Variants in FRYL observed in about 807,000 individuals in gnomAD.
The protein encoded by FRYL is protein furry homolog-like.
FRYL carries 150 observed loss-of-function variants against 351.2 expected under a neutral mutation model. That is an observed-to-expected ratio of 0.43 (90% CI 0.37 to 0.49). The LOEUF is 0.49. Among genes scored for constraint, FRYL ranks in the 20% least tolerant of loss-of-function variants. FRYL has a pLI of 0.00. For synonymous variants in FRYL, 1,153 were observed against 1,257.1 expected, an observed-to-expected ratio of 0.92 and a Z score of 1.75; for missense variants, 3,036 against 3,619.3, an observed-to-expected ratio of 0.84 and a Z score of 4.13.
At chr4:48,584,587 T>C (rs1263128072) in intron 19 of FRYL, among the ~76,000 whole-genome samples, 2 of 152,198 alleles carry the variant, frequency 1.3e-5, no homozygotes, top group African/African-American at 4.8e-5. Context: ...CAGTCCTCAA[T>C]GATGTTGACT....
At chr4:48,704,036 G>A (rs1335476746) in intron 2 of FRYL, among the ~76,000 whole-genome samples, 3 of 152,114 alleles carry the variant, frequency 2.0e-5, no homozygotes, top group Non-Finnish European at 2.9e-5. Context: ...TAGGTCTGAC[G>A]TGTACAAGTG....
rs114947483 is a variant in FRYL, at chr4:48,671,083, G to A, written c.-81+13590C>T. On this transcript the variant is annotated intron_variant, in intron 3 of 63. Coordinates refer to ENST00000358350, the MANE Select transcript of FRYL (RefSeq NM_015030.2). Reference sequence around the variant, plus strand: ...TCCCATCAATAGTGTACAAGGGTTCGCTTTTCTCCACATCCTCACCAGCGT... The same window carrying A: ...TCCCATCAATAGTGTACAAGGGTTCACTTTTCTCCACATCCTCACCAGCGT... Among the ~76,000 whole-genome samples the A allele has an allele frequency of 5.7e-3, 866 of 152,146 alleles. 8 individuals carry two copies. Among genetic ancestry groups the A allele is most frequent in the African/African-American group, 0.02 (812 of 41,506 alleles).
intron 1 of FRYL, among the ~76,000 whole-genome samples, chr4:48,763,508 A>C (rs996720918): frequency 6.6e-6 from 1 of 152,196 alleles, no homozygotes; most frequent in Admixed American, 6.5e-5. Context: ...CTATGTTCCT[A>C]ATACTTAATC....
intron 23 of FRYL, among the ~76,000 whole-genome samples, chr4:48,577,321 G>A (rs775595009): frequency 2.0e-4 from 31 of 152,240 alleles, no homozygotes; most frequent in Admixed American, 8.5e-4. Flanking sequence ...AGAGCAAAAC[G>A]AAAGAGGAAA....
chr4:48,606,528 T>C lies in FRYL; in HGVS notation c.651A>G (p.Gln217=), dbSNP rs1374355786. Residue 217 remains glutamine (Q), a synonymous_variant, in exon 10 of 64, where the codon CAA becomes CAG. Coordinates refer to ENST00000358350, the MANE Select transcript of FRYL (RefSeq NM_015030.2). Reference sequence around the variant, plus strand: ...TTCCCATTATTAAGCTGATGACACTTTGTACCACATGTGGGCTTTGTTCCT... The same window carrying C: ...TTCCCATTATTAAGCTGATGACACTCTGTACCACATGTGGGCTTTGTTCCT... ...RQKEQSPHVV[Q]SVISLIMGMK... 6.2e-7 allele frequency: 1 copy of C among 1,613,424 alleles called. No homozygotes were observed. The highest frequency in any genetic ancestry group is 1.7e-5 in the Admixed American group (1 of 60,022).
intron 59 of FRYL, 69 bp from the exon 60 acceptor site, chr4:48,505,684 C>CAACACCA: frequency 2.2e-6 from 2 of 909,384 alleles, no homozygotes; most frequent in East Asian, 4.8e-5. Context: ...TGTCCATATA[C>CAACACCA]AACACCAAAC....
intron 1 of FRYL, among the ~76,000 whole-genome samples, chr4:48,776,919 T>C (rs1517675): frequency 0.027 from 4,083 of 152,346 alleles, 69 homozygotes; most frequent in Admixed American, 0.046. Context: ...ATGAATCCTG[T>C]GTCACTGTTA....
At chr4:48,694,174 A>G (rs1765919592) in intron 2 of FRYL, among the ~76,000 whole-genome samples, 1 of 152,174 alleles carries the variant, frequency 6.6e-6, no homozygotes, top group Admixed American at 6.5e-5. Context: ...GATGAAGAAC[A>G]ATGGCTGCTC....
At chr4:48,515,650 G>T (rs1196841917) in intron 55 of FRYL, among the ~76,000 whole-genome samples, 1 of 152,122 alleles carries the variant, frequency 6.6e-6, no homozygotes, top group African/African-American at 2.4e-5. Context: ...GGGATTACAG[G>T]TGTGAGACAC....
Position 48,535,783 on chromosome 4 carries a change from G to A in FRYL, c.6438C>T (p.His2146=), listed in dbSNP as rs1210758499. 1 of 1,574,730 alleles carries A rather than the reference G, an allele frequency of 6.4e-7. No individual in the cohort carries two copies. Among genetic ancestry groups the A allele is most frequent in the African/African-American group, 1.4e-5 (1 of 73,830 alleles). ...TGTGTGTACTGTACAAACTCATCAT[G>A]TGTGCCAGATTGACAAGTGTTGGGC... ...EKCPTLVNLA[H]MMSLYSTHTY... The change falls in exon 48 of 64, where the codon CAC becomes CAT. Residue 2146 remains histidine, a synonymous_variant. Coordinates refer to ENST00000358350, the MANE Select transcript of FRYL (RefSeq NM_015030.2).
At chr4:48,763,210 C>G (rs575915640) in intron 1 of FRYL, among the ~76,000 whole-genome samples, 39 of 151,270 alleles carry the variant, frequency 2.6e-4, no homozygotes, top group Non-Finnish European at 4.0e-4. Context: ...CCTCTAATTC[C>G]AAGCACTTTG....
chr4:48,541,423 TTA>T (rs1730134870), intron 45 of FRYL, among the ~76,000 whole-genome samples: 1 of 152,200 alleles, frequency 6.6e-6, no homozygotes, highest in Non-Finnish European at 1.5e-5. Context: ...TGAATGCTTT[TTA>T]TGTTTGCCAG....
In FRYL at chr4:48,540,563, G is replaced by A. The variant is rs116475416; in HGVS notation, c.6085C>T (p.Leu2029=). The A allele has an allele frequency of 3.0e-4, 490 of 1,613,966 alleles. 2 individuals are homozygous for A. The African/African-American group carries it at 5.9e-3, about 19-fold the overall frequency. ...YLLALRLLNK[L]LIHLPLDKSE... ...TTATCCAAAGGCAAATGGATAAGCA[G>A]TTTGTTGAGAAGCCTGAGAGCCAGG... Residue 2029 remains leucine, a synonymous_variant, in exon 46 of 64, where the codon CTG becomes TTG. Transcript: ENST00000358350.
intron 2 of FRYL, among the ~76,000 whole-genome samples, chr4:48,705,936 A>G (rs181064640): frequency 1.3e-5 from 2 of 152,258 alleles, no homozygotes; most frequent in African/African-American, 4.8e-5. Context: ...TCCTGGGTTC[A>G]AGCGATTCTC....
At chr4:48,766,020 A>G (rs922912633) in intron 1 of FRYL, among the ~76,000 whole-genome samples, 2 of 152,232 alleles carry the variant, frequency 1.3e-5, no homozygotes, top group African/African-American at 4.8e-5. Context: ...GAATGCTTGC[A>G]TACGCTGGTG....
chr4:48,768,453 C>G (rs935642670), intron 1 of FRYL, among the ~76,000 whole-genome samples: 15 of 152,042 alleles, frequency 9.9e-5, no homozygotes, highest in African/African-American at 3.6e-4. Flanking sequence ...CAGAAGAAAA[C>G]AGAGGCGAAA....
chr4:48,498,108 G>A lies in FRYL; in HGVS notation c.*1314C>T, dbSNP rs1453040146. 2.7e-5 allele frequency: 4 copies of A among 148,668 alleles called. No homozygotes were observed. Among genetic ancestry groups the A allele is most frequent in the Non-Finnish European group, 4.5e-5 (3 of 67,396 alleles). 9.2% of individuals were successfully genotyped at this position (148,668 alleles called of 1,614,324 possible). On this transcript the variant is annotated 3_prime_UTR_variant, in exon 64 of 64. Coordinates refer to ENST00000358350, the MANE Select transcript of FRYL (RefSeq NM_015030.2). ...TTTTCTTTCTTTTCTTACAAAATGC[G>A]ATTTTAGAAAAGGATAGAGACTCCA...
chr4:48,657,108 T>C (rs1228491307), intron 3 of FRYL, among the ~76,000 whole-genome samples: 1 of 152,210 alleles, frequency 6.6e-6, no homozygotes. Context: ...CCAAACCTTT[T>C]AGATGATGAT....
intron 1 of FRYL, among the ~76,000 whole-genome samples, chr4:48,761,807 T>G (rs192706855): frequency 1.3e-5 from 2 of 152,232 alleles, no homozygotes; most frequent in African/African-American, 4.8e-5. Flanking sequence ...ACAGCCTAGA[T>G]GTGTAGCAGG....
Sources: gnomAD v4.1 joint callset for allele counts (sites outside exome capture counted in the v4.1 genomes callset) on GRCh38, gnomAD v4.1.1 for gene constraint, MANE v1.5 for transcripts, NCBI Gene and HGNC (gene_info 2026-07-23, HGNC 2026-07-21) for gene names.